The following CRTC1 variants were observed in gnomAD, a reference collection of about 807,000 sequenced individuals.
The protein encoded by CRTC1 is CREB regulated transcription coactivator 1.
A neutral mutation model predicts 66.1 loss-of-function variants in CRTC1; 18 were observed. The ratio of observed to expected loss-of-function variants is 0.27; its 90% CI spans 0.19 to 0.40. CRTC1 has a LOEUF of 0.40. Among genes scored for constraint, CRTC1 ranks in the 10% least tolerant of loss-of-function variants. The probability of loss-of-function intolerance (pLI) is 1.00; values close to 1 mark genes in which losing one functional copy is unlikely to be tolerated. For synonymous variants in CRTC1, 416 were observed against 398.8 expected (o/e 1.04, Z -0.51); for missense variants, 669 against 887.9 (o/e 0.75, Z 3.13).
Position 18,781,598 on chromosome 19 carries a change from G to T in CRTC1, c.*4216G>T. ...GAGGTGGAGTAAGTTGTACCCCCAG[G>T]CCTGGGTGCTGGGGAGTTCCTGAGG... On this transcript the variant is annotated 3_prime_UTR_variant, in exon 14 of 14. Coordinates refer to ENST00000321949, the MANE Select transcript of CRTC1 (RefSeq NM_015321.3). 4.4e-6 allele frequency: 1 copy of T among 229,644 alleles called. No homozygotes were observed. Among genetic ancestry groups the T allele is most frequent in the Non-Finnish European group, 8.6e-6 (1 of 115,802 alleles). 14.2% of individuals were successfully genotyped at this position (229,644 alleles called of 1,614,324 possible).
chr19:18,711,453 G>A (rs1033982010), intron 1 of CRTC1, among the ~76,000 whole-genome samples: 4 of 152,118 alleles, frequency 2.6e-5, no homozygotes, highest in Non-Finnish European at 4.4e-5. Flanking sequence ...CACTTCCAGC[G>A]TTTCAGGAGA....
intron 1 of CRTC1, among the ~76,000 whole-genome samples, chr19:18,688,846 A>C (rs991921635): frequency 1.3e-5 from 2 of 152,142 alleles, no homozygotes; most frequent in African/African-American, 4.8e-5. Flanking sequence ...TCAACTTGAG[A>C]ACATTTCGTA....
At chr19:18,729,380 C>G (rs138071733) in intron 1 of CRTC1, among the ~76,000 whole-genome samples, 48 of 148,370 alleles carry the variant, frequency 3.2e-4, no homozygotes, top group African/African-American at 1.2e-3. Flanking sequence ...GAGCTGAGAT[C>G]GCGCCACTGC....
rs143565867 is a variant in CRTC1, at chr19:18,780,538, G to A, written c.*3156G>A. 254 of 230,544 alleles carry A rather than the reference G, an allele frequency of 1.1e-3. 3 individuals are homozygous for A. Among genetic ancestry groups the A allele is most frequent in the Admixed American group, 7.1e-3 (125 of 17,706 alleles). The allele number at this position is 230,544 out of a possible 1,614,324, so 14.3% of individuals were successfully genotyped here. ...GATTTCTTCAGGGGGCCAAGCTCCC[G>A]GGAGGACCCCTAGCCAGGAGGGCCC... On this transcript the variant is annotated 3_prime_UTR_variant, in exon 14 of 14. Transcript: ENST00000321949.
intron 2 of CRTC1, among the ~76,000 whole-genome samples, chr19:18,743,631 G>T (rs1022054473): frequency 2.2e-5 from 2 of 89,472 alleles, no homozygotes; most frequent in Non-Finnish European, 2.3e-5. Flanking sequence ...GGTCCCCCTG[G>T]GGGGGGGTCA....
chr19:18,694,991 C>T (rs1284848163), intron 1 of CRTC1, among the ~76,000 whole-genome samples: 1 of 151,952 alleles, frequency 6.6e-6, no homozygotes, highest in Non-Finnish European at 1.5e-5. Context: ...CTGCCTCAGC[C>T]TCTCAAGTAG....
chr19:18,689,752 G>A (rs1006626961), intron 1 of CRTC1, among the ~76,000 whole-genome samples: 25 of 151,054 alleles, frequency 1.7e-4, no homozygotes, highest in Admixed American at 1.5e-3. Context: ...CCATGAACAC[G>A]GGTTGTTTCC....
In CRTC1 at chr19:18,760,240, A is replaced by G; in HGVS notation, c.886+12A>G. The G allele has an allele frequency of 6.3e-7, 1 of 1,574,916 alleles. No individual in the cohort carries two copies. On this transcript the variant is annotated intron_variant, in intron 8 of 13. Transcript: ENST00000321949. The surrounding 1 kb of genome is among the most constrained non-coding windows in gnomAD (Gnocchi z 6.2). ...TGGCGCCGGCCAGGGTAAGGCAGGG[A>G]CACTCCGCCCTCGGACAGAGCACTG... is the stretch of plus-strand genomic sequence containing the variant.
intron 1 of CRTC1, among the ~76,000 whole-genome samples, chr19:18,684,120 G>A (rs1351111006): frequency 6.6e-6 from 1 of 152,036 alleles, no homozygotes; most frequent in Non-Finnish European, 1.5e-5. Context: ...GGGAACAGGT[G>A]CTAGTACCTC....
intron 1 of CRTC1, among the ~76,000 whole-genome samples, chr19:18,693,879 A>C (rs1465341899): frequency 6.6e-6 from 1 of 151,578 alleles, no homozygotes; most frequent in African/African-American, 2.4e-5. Flanking sequence ...CACACCTGTC[A>C]TCCCAGAGCT....
chr19:18,744,248 C>T, intron 2 of CRTC1: 1 of 1,291,070 alleles, frequency 7.7e-7, no homozygotes, highest in Non-Finnish European at 1.1e-6. Context: ...CCTGAGCTCC[C>T]CAAGCGGCCG....
chr19:18,752,196 C>T (rs1555785367), intron 5 of CRTC1, among the ~76,000 whole-genome samples: 1 of 151,856 alleles, frequency 6.6e-6, no homozygotes, highest in Non-Finnish European at 1.5e-5. Flanking sequence ...ACAAGCTAGG[C>T]AGCTGCTCTT....
intron 1 of CRTC1, among the ~76,000 whole-genome samples, chr19:18,693,074 C>CAAAAAAAAAA (rs71168762): frequency 1.4e-5 from 1 of 69,374 alleles, no homozygotes; most frequent in Admixed American, 1.9e-4. Flanking sequence ...GACTCCGTCT[C>CAAAAAAAAAA]AAAAAAAAAA....
rs74600421 is a variant in CRTC1 at position 18,774,024 on chromosome 19, G to A, written c.1426-876G>A. Among the ~76,000 whole-genome samples the A allele has an allele frequency of 2.6e-3, 403 of 152,310 alleles. 13 individuals carry two copies. In the East Asian group the frequency reaches 0.065, roughly 25 times the overall value. ...ACGCCTTATAGGGCACATGCCTTAC[G>A]CTATAGCTCTGAGAATGGCTGTGGG... On this transcript the variant is annotated intron_variant, in intron 11 of 13. Coordinates refer to ENST00000321949, the MANE Select transcript of CRTC1 (RefSeq NM_015321.3).
At chr19:18,739,187 G>A (rs763892525) in intron 1 of CRTC1, among the ~76,000 whole-genome samples, 14 of 152,332 alleles carry the variant, frequency 9.2e-5, no homozygotes, top group Non-Finnish European at 1.5e-4. Context: ...TTCACCTGTC[G>A]CCCCGCTTGT....
chr19:18,759,648 C>G lies in CRTC1; in HGVS notation c.665+57C>G. On this transcript the variant is annotated intron_variant, in intron 7 of 13. Transcript: ENST00000321949. ...GCATCTGCTGCGCTGCTCCGTCCAC[C>G]CTGGGGCATTCTGTCCACTCTCTTG... 1.9e-6 allele frequency: 3 copies of G among 1,573,264 alleles called. No individual in the cohort carries two copies. The Admixed American group carries it at 5.2e-5, about 27-fold the overall frequency.
At position 18,726,213 on chromosome 19, in the gene CRTC1, G is replaced by A. The variant is rs551899413; in HGVS notation, c.127-16697G>A. On this transcript the variant is annotated intron_variant, in intron 1 of 13. Coordinates refer to ENST00000321949, the MANE Select transcript of CRTC1 (RefSeq NM_015321.3). ...CAGGAACGTTGCTCAGGCACTCGGC[G>A]GACGCTGCCAAATGGCTCAGCCGGC... is the stretch of plus-strand genomic sequence containing the variant. 5.0e-4 allele frequency among the ~76,000 whole-genome samples: 76 copies of A among 152,364 alleles called. 1 individual carries two copies. The highest frequency in any genetic ancestry group is 7.7e-4 in the East Asian group (4 of 5,188).
chr19:18,726,925 T>TGG (rs201153104), intron 1 of CRTC1, among the ~76,000 whole-genome samples: 2 of 114,636 alleles, frequency 1.7e-5, no homozygotes, highest in African/African-American at 7.7e-5. Context: ...GACTCCGTCT[T>TGG]GGGGAAAAAA....
rs1015008162 is a variant in CRTC1 at position 18,754,880 on chromosome 19, G to A, written c.624+1295G>A. On this transcript the variant is annotated intron_variant, in intron 6 of 13. Coordinates refer to ENST00000321949, the MANE Select transcript of CRTC1 (RefSeq NM_015321.3). ...TCACAAGGGTTGTGCGTTTTCTGTCGTGGTGAGTGTGGGTGGTGCTGTCAG... is the reference window on the plus strand; with the variant it reads ...TCACAAGGGTTGTGCGTTTTCTGTCATGGTGAGTGTGGGTGGTGCTGTCAG... Among the ~76,000 whole-genome samples the A allele has an allele frequency of 4.7e-4, 72 of 152,302 alleles. 1 individual carries two copies. The highest frequency in any genetic ancestry group is 4.7e-4 in the Non-Finnish European group (32 of 68,024).
Sources: gnomAD v4.1 joint callset for allele counts (sites outside exome capture counted in the v4.1 genomes callset) on GRCh38, gnomAD v4.1.1 for gene constraint, Gnocchi (gnomAD v3.1) non-coding constraint, MANE v1.5 for transcripts, NCBI Gene and HGNC (gene_info 2026-07-23, HGNC 2026-07-21) for gene names.